DIP2C: variants seen among roughly 807,000 people sequenced by gnomAD.
DIP2C encodes DIP2 acetate--CoA ligase C (putative), also known as disco-interacting protein 2 homolog C.
DIP2C carries 33 observed loss-of-function variants against 192.4 expected under a neutral mutation model. The ratio of observed to expected loss-of-function variants is 0.17; its 90% confidence interval spans 0.13 to 0.23. The LOEUF is 0.23. Among genes scored for constraint, DIP2C ranks in the 10% least tolerant of loss-of-function variants. The pLI, the probability that DIP2C is intolerant of heterozygous loss-of-function variation, is 1.00. For synonymous variants in DIP2C, 979 were observed against 864.1 expected (o/e 1.13, Z -2.33); for missense variants, 1,537 against 2,110.1 (o/e 0.73, Z 5.32).
chr10:681,532 G>GA, intron 1 of DIP2C, among the ~76,000 whole-genome samples: 6 of 151,334 alleles, frequency 4.0e-5, no homozygotes, highest in African/African-American at 1.2e-4. Flanking sequence ...AGGGAATGCA[G>GA]CCCCTCAGTT....
rs143607758 is a variant in DIP2C, at chr10:277,442, G to A, written c.4554C>T (p.Val1518=). 22 of 1,614,002 alleles carry A rather than the reference G, an allele frequency of 1.4e-5. No homozygotes were observed. The highest frequency in any genetic ancestry group is 1.8e-5 in the Non-Finnish European group (21 of 1,180,040). Residue 1518 remains valine (V), a synonymous_variant, in exon 37 of 37, where the codon GTC becomes GTT. Coordinates refer to ENST00000280886, the MANE Select transcript of DIP2C (RefSeq NM_014974.3). ...EEHYLIVGVV[V]VVDIGVIPIN... is the part of the protein sequence containing the mutation. Reference sequence around the variant, plus strand: ...TGGGGATGACGCCGATGTCCACCACGACCACCACTCCGACGATCAGGTAGT... The same window carrying A: ...TGGGGATGACGCCGATGTCCACCACAACCACCACTCCGACGATCAGGTAGT...
intron 1 of DIP2C, among the ~76,000 whole-genome samples, chr10:579,523 TACAC>T (rs1219096456): frequency 1.3e-5 from 2 of 152,062 alleles, no homozygotes; most frequent in East Asian, 1.9e-4. Context: ...GCAGAGAGCA[TACAC>T]ACATCCAGAT....
intron 3 of DIP2C, among the ~76,000 whole-genome samples, chr10:461,717 C>T (rs1282468336): frequency 5.3e-5 from 8 of 152,298 alleles, no homozygotes; most frequent in African/African-American, 1.7e-4. Flanking sequence ...CACCCCAAAT[C>T]AATAGGATAT....
chr10:657,105 G>C (rs1392533356), intron 1 of DIP2C, among the ~76,000 whole-genome samples: 4 of 151,528 alleles, frequency 2.6e-5, no homozygotes. Context: ...CACTGGACCT[G>C]CCCCCGGACC....
chr10:532,576 TGTGAGA>T (rs1847442706), intron 1 of DIP2C, among the ~76,000 whole-genome samples: 1 of 131,258 alleles, frequency 7.6e-6, no homozygotes, highest in African/African-American at 3.2e-5. Context: ...AGAGTATGGG[TGTGAGA>T]GAGAGTATGG....
Position 398,142 on chromosome 10 carries a change from C to G in DIP2C, c.1260+967G>C, listed in dbSNP as rs76591591. Among the ~76,000 whole-genome samples, 915 of 152,342 alleles carry G rather than the reference C, an allele frequency of 6.0e-3. 3 individuals carry two copies. Among genetic ancestry groups the G allele is most frequent in the Middle Eastern group, 0.014 (4 of 294 alleles). On this transcript the variant is annotated intron_variant, in intron 10 of 36. Coordinates refer to ENST00000280886, the MANE Select transcript of DIP2C (RefSeq NM_014974.3). ...GTGGGGAAAATCTACATTCTGTAGA[C>G]AATCTCCTTCCCTTTCCAGGTCCTT...
intron 16 of DIP2C, among the ~76,000 whole-genome samples, chr10:383,277 A>G (rs1167591118): frequency 1.3e-5 from 2 of 152,268 alleles, no homozygotes; most frequent in African/African-American, 4.8e-5. Context: ...GACTGTTTAT[A>G]AAACCTGTTT....
At chr10:388,688 G>A (rs765636628) in intron 13 of DIP2C, among the ~76,000 whole-genome samples, 2 of 152,216 alleles carry the variant, frequency 1.3e-5, no homozygotes, top group Non-Finnish European at 2.9e-5. Context: ...ATACCCACGA[G>A]ACACACACGC....
intron 8 of DIP2C, 77 bp downstream of exon 8, chr10:413,836 G>A (rs950461959): frequency 1.3e-5 from 20 of 1,529,094 alleles, no homozygotes; most frequent in African/African-American, 8.3e-5. Context: ...GGATGTAAAC[G>A]GACACTGAGT....
chr10:284,251 G>GT (rs1401663214), intron 34 of DIP2C, among the ~76,000 whole-genome samples: 1 of 152,148 alleles, frequency 6.6e-6, no homozygotes, highest in Non-Finnish European at 1.5e-5. Flanking sequence ...CTGCACCCAC[G>GT]TCCCCAGAGC....
At chr10:581,232 G>A (rs1006757833) in intron 1 of DIP2C, among the ~76,000 whole-genome samples, 1 of 152,000 alleles carries the variant, frequency 6.6e-6, no homozygotes, top group African/African-American at 2.4e-5. Flanking sequence ...GAATTCAGCT[G>A]GGGAAAAAAC....
In DIP2C at chr10:685,923, T is replaced by C. The variant is rs114572498; in HGVS notation, c.85+3571A>G. On this transcript the variant is annotated intron_variant, in intron 1 of 36. Transcript: ENST00000280886. ...TTGCAGTGAGTTGAGCTCATACCAC[T>C]GCACTCCAGCATGGGAGACAGAGTG... Among the ~76,000 whole-genome samples, 347 of 148,992 alleles carry C rather than the reference T, an allele frequency of 2.3e-3. 1 individual carries two copies. Among genetic ancestry groups the C allele is most frequent in the African/African-American group, 7.8e-3 (316 of 40,558 alleles).
Position 651,900 on chromosome 10 carries a change from C to A in DIP2C, c.85+37594G>T, listed in dbSNP as rs564294011. The A allele has an allele frequency of 5.6e-6, 1 of 180,088 alleles. No individual in the cohort carries two copies. The highest frequency in any genetic ancestry group is 1.2e-5 in the Non-Finnish European group (1 of 85,536). 11.2% of individuals were successfully genotyped at this position (180,088 alleles called of 1,614,324 possible). On this transcript the variant is annotated intron_variant, in intron 1 of 36. Transcript: ENST00000280886. The surrounding 1 kb of genome is among the most constrained non-coding windows in gnomAD (Gnocchi z 4.1). ...AACGGCCTCGCTGTACTCAGGGAGT[C>A]GGTTCCAGGACCCCATGGACACCAA...
At chr10:678,038 C>A (rs772709173) in intron 1 of DIP2C, among the ~76,000 whole-genome samples, 5 of 152,270 alleles carry the variant, frequency 3.3e-5, no homozygotes, top group Non-Finnish European at 7.3e-5. Flanking sequence ...GCCTCCTGCA[C>A]ACACTGGCCA....
At chr10:645,036 A>G (rs916005134) in intron 1 of DIP2C, among the ~76,000 whole-genome samples, 7 of 152,034 alleles carry the variant, frequency 4.6e-5, no homozygotes, top group African/African-American at 7.3e-5. Context: ...GACAAGAAAG[A>G]CCCCTCCGGA....
At chr10:331,826 G>A (rs1053477650) in intron 29 of DIP2C, among the ~76,000 whole-genome samples, 12 of 152,204 alleles carry the variant, frequency 7.9e-5, no homozygotes, top group East Asian at 5.8e-4. Flanking sequence ...ATCAGGCCTC[G>A]AATTTTTACT....
At chr10:620,307 G>A (rs1433193338) in intron 1 of DIP2C, among the ~76,000 whole-genome samples, 1 of 152,086 alleles carries the variant, frequency 6.6e-6, no homozygotes, top group East Asian at 1.9e-4. Context: ...AATTAGTTTG[G>A]AAGGCGCCTT....
chr10:408,813 G>A, intron 9 of DIP2C, 113 bp downstream of exon 9: 1 of 950,238 alleles, frequency 1.1e-6, no homozygotes, highest in South Asian at 1.7e-5. Flanking sequence ...ATAAAAACTT[G>A]CTTTCCAATA....
intron 5 of DIP2C, among the ~76,000 whole-genome samples, chr10:419,528 T>A (rs1340736171): frequency 6.6e-6 from 1 of 151,908 alleles, no homozygotes; most frequent in Non-Finnish European, 1.5e-5. Context: ...CACGGAGGGG[T>A]CCTGTTTCCT....
Sources: allele counts gnomAD v4.1 joint callset (sites outside exome capture counted in the v4.1 genomes callset), GRCh38; gene constraint gnomAD v4.1.1; non-coding constraint Gnocchi (gnomAD v3.1); transcripts MANE v1.5; gene names NCBI Gene and HGNC (gene_info 2026-07-23, HGNC 2026-07-21).